NUP88: variants seen among roughly 807,000 people sequenced by gnomAD.
The protein encoded by NUP88 is nucleoporin 88, also known as nuclear pore complex protein Nup88.
A neutral mutation model predicts 93.9 loss-of-function variants in NUP88; 57 were observed. The observed-to-expected ratio is 0.61, with a 90% CI of 0.49 to 0.76. The LOEUF (loss-of-function observed/expected upper bound fraction) is 0.76, where lower values mean the gene tolerates loss of function less well. Ranked by LOEUF, NUP88 falls within the 30% of genes least tolerant of loss-of-function variation. NUP88 has a pLI of 0.00. For missense variants in NUP88, 911 were observed against 901.0 expected (o/e 1.01, Z -0.14); for synonymous variants, 346 against 336.8 (o/e 1.03, Z -0.30).
chr17:5,411,210 A>G (rs140844735), intron 3 of NUP88, among the ~76,000 whole-genome samples: 16 of 152,296 alleles, frequency 1.1e-4, no homozygotes, highest in African/African-American at 3.6e-4. Context: ...TTATATGCCA[A>G]CTGGCTGACA....
intron 6 of NUP88, 85 bp downstream of exon 6, chr17:5,404,972 C>A: frequency 3.5e-6 from 4 of 1,145,244 alleles, no homozygotes; most frequent in South Asian, 3.6e-5. Context: ...AGTTAAAATT[C>A]CTTCTCATAT....
chr17:5,390,667 G>C (rs1279793433), intron 10 of NUP88, among the ~76,000 whole-genome samples: 3 of 151,744 alleles, frequency 2.0e-5, no homozygotes, highest in Non-Finnish European at 4.4e-5. Flanking sequence ...AATTATCTGA[G>C]TTCCTTAAAG....
chr17:5,408,866 C>G lies in NUP88; in HGVS notation c.724G>C (p.Asp242His). 1 of 1,613,620 alleles carries G rather than the reference C, an allele frequency of 6.2e-7. No homozygotes were observed. The highest frequency in any genetic ancestry group is 8.5e-7 in the Non-Finnish European group (1 of 1,179,838). The change falls in exon 5 of 17, where the codon GAC becomes CAC. Residue 242 changes from aspartate (D) to histidine (H), a missense_variant. By Grantham distance (81) the Asp-to-His change is moderately conservative. Coordinates refer to ENST00000573584, the MANE Select transcript of NUP88 (RefSeq NM_002532.6). ...ASLGETAVAF[D>H]FGPLAAVPKT... Reference sequence around the variant, plus strand: ...GGGACTGCTGCCAATGGCCCAAAGTCAAATGCAACTGCTGTCTCTCCTAGA... The same window carrying G: ...GGGACTGCTGCCAATGGCCCAAAGTGAAATGCAACTGCTGTCTCTCCTAGA...
At chr17:5,419,115 C>T (rs1331249312) in intron 1 of NUP88, among the ~76,000 whole-genome samples, 3 of 152,254 alleles carry the variant, frequency 2.0e-5, no homozygotes, top group East Asian at 1.9e-4. Context: ...TGTTTTTCTC[C>T]AGAGCACTCA....
chr17:5,387,766 C>A lies in NUP88; in HGVS notation c.1769+13G>T. On this transcript the variant is annotated intron_variant, in intron 12 of 16. Coordinates refer to ENST00000573584, the MANE Select transcript of NUP88 (RefSeq NM_002532.6). Reference sequence around the variant, plus strand: ...GCCAGGGATCGATGGTTTGTGAACACAGGACATCATACCTCCGCTGAATCT... The same window carrying A: ...GCCAGGGATCGATGGTTTGTGAACAAAGGACATCATACCTCCGCTGAATCT... 6.2e-7 allele frequency: 1 copy of A among 1,611,836 alleles called. No homozygotes were observed. The highest frequency in any genetic ancestry group is 8.5e-7 in the Non-Finnish European group (1 of 1,178,818).
chr17:5,407,089 T>C (rs1806247), intron 5 of NUP88, among the ~76,000 whole-genome samples: 65,910 of 151,502 alleles, frequency 0.44, 15,023 homozygotes, highest in East Asian at 0.84. Flanking sequence ...CCTGAGATCA[T>C]GTGTGAAAGG....
At chr17:5,415,510 G>A (rs1377719023) in intron 2 of NUP88, among the ~76,000 whole-genome samples, 1 of 152,130 alleles carries the variant, frequency 6.6e-6, no homozygotes, top group Non-Finnish European at 1.5e-5. Context: ...GATTTAGAAG[G>A]TAAACAGTTT....
chr17:5,386,768 T>A lies in NUP88; in HGVS notation c.2102A>T (p.Lys701Ile). The change falls in exon 16 of 17, where the codon AAA (lysine) becomes ATA (isoleucine). Residue 701 changes from lysine to isoleucine, a missense_variant. By Grantham distance (102) the Lys-to-Ile change is moderately radical. Coordinates refer to ENST00000573584, the MANE Select transcript of NUP88 (RefSeq NM_002532.6). ...QKMEKVLSLPKPTIILSAYQR... is the reference protein window; with the variant it reads ...QKMEKVLSLPIPTIILSAYQR... ...GTAGGCACTGAGAATAATGGTGGGT[T>A]TTGGAAGACTCAACACCTTCTCCAT... 2 of 1,614,104 alleles carry A rather than the reference T, an allele frequency of 1.2e-6. No individual in the cohort carries two copies. The highest frequency in any genetic ancestry group is 1.7e-6 in the Non-Finnish European group (2 of 1,179,960).
At chr17:5,396,571 G>A (rs1485414515) in intron 8 of NUP88, among the ~76,000 whole-genome samples, 3 of 152,206 alleles carry the variant, frequency 2.0e-5, no homozygotes, top group African/African-American at 7.2e-5. Flanking sequence ...TCTGGGCTAT[G>A]ATGAATAATG....
At position 5,414,089 on chromosome 17, in the gene NUP88, CAG is replaced by C. The variant is rs1482724900; in HGVS notation, c.511_512del (p.Leu171AspfsTer11). 6.2e-7 allele frequency: 1 copy of C among 1,613,764 alleles called. No homozygotes were observed. Among genetic ancestry groups the C allele is most frequent in the African/African-American group, 1.3e-5 (1 of 75,046 alleles). On this transcript the variant is annotated frameshift_variant, in exon 3 of 17. Transcript: ENST00000573584. LOFTEE classifies it high-confidence loss of function. ...AERFFTSSTSLTLKHAAWYPS... is the reference protein window; with the variant it reads ...AERFFTSSTSXTLKHAAWYPS... ...GATACCATGCAGCATGCTTTAGAGTCAGAGAGGTGGAACTGGTGAAAAATCTC... is the reference window on the plus strand; with the variant it reads ...GATACCATGCAGCATGCTTTAGAGTCAGAGGTGGAACTGGTGAAAAATCTC...
intron 16 of NUP88, 37 bp downstream of exon 16, chr17:5,386,671 A>C (rs779469496): frequency 3.7e-6 from 5 of 1,342,136 alleles, no homozygotes; most frequent in Non-Finnish European, 5.4e-6. Flanking sequence ...AGGAAAAACT[A>C]TCTCACGATA....
intron 11 of NUP88, 89 bp downstream of exon 11, chr17:5,388,713 T>C (rs3026124): frequency 9.2e-6 from 11 of 1,189,474 alleles, no homozygotes; most frequent in Middle Eastern, 2.1e-4. Flanking sequence ...AAAAAGTATA[T>C]GAAACAGATG....
rs575847764 is a variant in NUP88 at position 5,387,992 on chromosome 17, CTTTTTATA to C, written c.1644-96_1644-89del. On this transcript the variant is annotated intron_variant, in intron 11 of 16. Transcript: ENST00000573584. The stretch of plus-strand genomic sequence containing the variant: ...ACTCAAGTCACAGGTGCTTTTTAAA[CTTTTTATA>C]TTTTTAATTTATTTATTTGAGATGC... 6.7e-5 allele frequency: 89 copies of C among 1,328,732 alleles called. 1 individual carries two copies. The highest frequency in any genetic ancestry group is 8.5e-5 in the Non-Finnish European group (84 of 986,010). The allele number at this position is 1,328,732 out of a possible 1,614,324, so 82.3% of individuals were successfully genotyped here. A position where few individuals can be genotyped will look rare whatever the true frequency, so the allele number is the denominator to read the frequency against.
chr17:5,415,921 G>T (rs1404138344), intron 2 of NUP88, among the ~76,000 whole-genome samples: 1 of 151,828 alleles, frequency 6.6e-6, no homozygotes, highest in Admixed American at 6.6e-5. Context: ...AAGGTGGGTG[G>T]ATCACTTGAG....
intron 5 of NUP88, among the ~76,000 whole-genome samples, 160 bp from the exon 6 acceptor site, chr17:5,405,403 A>G: frequency 6.6e-6 from 1 of 151,962 alleles, no homozygotes; most frequent in East Asian, 1.9e-4. Context: ...CTCAGATCCC[A>G]CCACTCTGTG....
Position 5,416,500 on chromosome 17 carries a change from G to A in NUP88, c.467+13C>T, listed in dbSNP as rs1184066228. 6 of 1,577,162 alleles carry A rather than the reference G, an allele frequency of 3.8e-6. No homozygotes were observed. Among genetic ancestry groups the A allele is most frequent in the Non-Finnish European group, 4.3e-6 (5 of 1,154,108 alleles). Reference sequence around the variant, plus strand: ...ATATAATAAATTATACAGATAAATAGTATACAACTTACCTACAATTCACTG... The same window carrying A: ...ATATAATAAATTATACAGATAAATAATATACAACTTACCTACAATTCACTG... On this transcript the variant is annotated intron_variant, in intron 2 of 16. Coordinates refer to ENST00000573584, the MANE Select transcript of NUP88 (RefSeq NM_002532.6).
At chr17:5,387,213 C>T in intron 14 of NUP88, 103 bp from the exon 15 acceptor site, 1 of 1,402,224 alleles carries the variant, frequency 7.1e-7, no homozygotes. Flanking sequence ...CTGAAGTAGG[C>T]CCCATAGGAA....
Position 5,394,928 on chromosome 17 carries a change from C to T in NUP88, c.1345G>A (p.Val449Ile). The T allele has an allele frequency of 6.2e-7, 1 of 1,613,860 alleles. No homozygotes were observed. Among genetic ancestry groups the T allele is most frequent in the East Asian group, 2.2e-5 (1 of 44,886 alleles). ...GGCTTCGTACAAAGGATGTGTTCAA[C>T]AAAGCATTTCTGTTCTGTAGAGAGT... is the stretch of plus-strand genomic sequence containing the variant. ...QELSTEQKCF[V>I]EHILCTKPLP... Residue 449 changes from valine to isoleucine, a missense_variant, in exon 9 of 17, where the codon GTT becomes ATT. By Grantham distance (29) the Val-to-Ile change is conservative. Coordinates refer to ENST00000573584, the MANE Select transcript of NUP88 (RefSeq NM_002532.6).
At chr17:5,409,524 AG>A (rs1294152288) in intron 4 of NUP88, among the ~76,000 whole-genome samples, 4 of 152,226 alleles carry the variant, frequency 2.6e-5, no homozygotes, top group Non-Finnish European at 5.9e-5. Flanking sequence ...AAATGCAAAA[AG>A]GAAACAGGAA....
Sources: allele counts gnomAD v4.1 joint callset (sites outside exome capture counted in the v4.1 genomes callset), GRCh38; gene constraint gnomAD v4.1.1; transcripts MANE v1.5; gene names NCBI Gene and HGNC (gene_info 2026-07-23, HGNC 2026-07-21).